The following LHPP variants were observed in gnomAD, a reference collection of about 807,000 sequenced individuals.
The protein encoded by LHPP is phospholysine phosphohistidine inorganic pyrophosphate phosphatase.
A neutral mutation model predicts 30.3 loss-of-function variants in LHPP; 24 were observed. That is an observed-to-expected ratio of 0.79 (90% confidence interval 0.57 to 1.11). The LOEUF is 1.11. Ranked by LOEUF, LHPP falls within the 50% of genes most tolerant of loss-of-function variation. The pLI, the probability that LHPP is intolerant of heterozygous loss-of-function variation, is 0.00. For synonymous variants in LHPP, 150 were observed against 157.1 expected, an observed-to-expected ratio of 0.95 and a Z score of 0.34; for missense variants, 356 against 367.2, an observed-to-expected ratio of 0.97 and a Z score of 0.25.
chr10:124,515,766 A>G (rs1954435529), intron 5 of LHPP, among the ~76,000 whole-genome samples: 1 of 152,238 alleles, frequency 6.6e-6, no homozygotes, highest in African/African-American at 2.4e-5. Context: ...TGCCCTGTGC[A>G]TCGTGAGTGA....
At position 124,613,538 on chromosome 10, in the gene LHPP, C is replaced by T; in HGVS notation, c.*178C>T. ...GTGCCCAGACCAACCAAGGCCCTGACAGCCCTGCCTTCTGCCCTCTGCCCT... is the reference window on the plus strand; with the variant it reads ...GTGCCCAGACCAACCAAGGCCCTGATAGCCCTGCCTTCTGCCCTCTGCCCT... On this transcript the variant is annotated 3_prime_UTR_variant, in exon 7 of 7. Transcript: ENST00000368842. 3.2e-6 allele frequency: 2 copies of T among 628,140 alleles called. No individual in the cohort carries two copies. Among genetic ancestry groups the T allele is most frequent in the East Asian group, 2.8e-5 (1 of 36,296 alleles). 38.9% of individuals were successfully genotyped at this position (628,140 alleles called of 1,614,324 possible). A position where few individuals can be genotyped will look rare whatever the true frequency, so the allele number is the denominator to read the frequency against.
In LHPP at chr10:124,541,771, A is replaced by G. The variant is rs893578417; in HGVS notation, c.716+24500A>G. 1.1e-4 allele frequency among the ~76,000 whole-genome samples: 16 copies of G among 152,020 alleles called. No individual in the cohort carries two copies. The highest frequency in any genetic ancestry group is 6.5e-5 in the Admixed American group (1 of 15,282). On this transcript the variant is annotated intron_variant, in intron 6 of 6. Coordinates refer to ENST00000368842, the MANE Select transcript of LHPP (RefSeq NM_022126.4). This position sits in a 1 kb window ranked among gnomAD's most constrained non-coding sequence, Gnocchi z 4.2. ...GGACACTGGGGAGGGCTCTAATGGT[A>G]TTTGCACAAATTTGCAATGTTGGAG...
intron 1 of LHPP, among the ~76,000 whole-genome samples, chr10:124,475,460 G>A (rs903662440): frequency 6.6e-6 from 1 of 152,010 alleles, no homozygotes; most frequent in Non-Finnish European, 1.5e-5. Flanking sequence ...AGGATCACTT[G>A]AACCTGGGAG....
intron 6 of LHPP, among the ~76,000 whole-genome samples, chr10:124,530,200 C>T (rs555862927): frequency 3.9e-5 from 6 of 152,168 alleles, no homozygotes; most frequent in Non-Finnish European, 8.8e-5. Context: ...TGGCATCCTG[C>T]CTGCCGCCTC....
intron 5 of LHPP, among the ~76,000 whole-genome samples, chr10:124,508,502 G>T (rs1954219473): frequency 6.6e-6 from 1 of 152,090 alleles, no homozygotes; most frequent in Non-Finnish European, 1.5e-5. Flanking sequence ...TTCCGGCCCT[G>T]GCTTTGTCTT....
At chr10:124,613,004 C>A (rs1564854291) in intron 6 of LHPP, 2 of 544,290 alleles carry the variant, frequency 3.7e-6, no homozygotes, top group Non-Finnish European at 6.6e-6. Context: ...GTCACTCCAC[C>A]ACAAGGCTGA....
intron 6 of LHPP, among the ~76,000 whole-genome samples, chr10:124,528,250 G>C (rs73367813): frequency 0.048 from 7,375 of 152,320 alleles, 618 homozygotes; most frequent in African/African-American, 0.16. Context: ...CTGGTGGGAC[G>C]TACACTGACT....
chr10:124,505,747 A>G (rs1954042663), intron 5 of LHPP, among the ~76,000 whole-genome samples: 1 of 152,218 alleles, frequency 6.6e-6, no homozygotes. Context: ...AGGTTTTGGC[A>G]GTTCTCCATC....
chr10:124,547,448 T>C (rs1022019208), intron 6 of LHPP, among the ~76,000 whole-genome samples: 12 of 152,366 alleles, frequency 7.9e-5, no homozygotes, highest in African/African-American at 2.9e-4. Context: ...AGTCTGCAGC[T>C]CGTTCTCCCA....
chr10:124,525,535 G>A (rs1171824434), intron 6 of LHPP, among the ~76,000 whole-genome samples: 1 of 152,210 alleles, frequency 6.6e-6, no homozygotes, highest in East Asian at 1.9e-4. Context: ...GTCAGCATGT[G>A]GCAGTCCCGG....
intron 6 of LHPP, among the ~76,000 whole-genome samples, chr10:124,525,793 C>T (rs992303769): frequency 1.3e-5 from 2 of 152,196 alleles, no homozygotes; most frequent in African/African-American, 4.8e-5. Context: ...GGTACTGACC[C>T]TCATTAGCAT....
rs1178929842 is a variant in LHPP at position 124,590,133 on chromosome 10, T to C, written c.717-23131T>C. 1.3e-5 allele frequency among the ~76,000 whole-genome samples: 2 copies of C among 152,222 alleles called. No individual in the cohort carries two copies. Among genetic ancestry groups the C allele is most frequent in the African/African-American group, 4.8e-5 (2 of 41,456 alleles). On this transcript the variant is annotated intron_variant, in intron 6 of 6. Coordinates refer to ENST00000368842, the MANE Select transcript of LHPP (RefSeq NM_022126.4). The surrounding 1 kb of genome is among the most constrained non-coding windows in gnomAD (Gnocchi z 4.3). ...GAACAGCTCATTCGATTCGTTCATG[T>C]GACGTCCTCCCTCTCCCAATCCCTG...
chr10:124,522,362 G>A (rs1045589079), intron 6 of LHPP, among the ~76,000 whole-genome samples: 2 of 152,190 alleles, frequency 1.3e-5, no homozygotes, highest in Non-Finnish European at 2.9e-5. Flanking sequence ...CAGCCACAGC[G>A]TTCCTGCTGC....
chr10:124,564,576 G>C (rs1004503443), intron 6 of LHPP, among the ~76,000 whole-genome samples: 2 of 152,142 alleles, frequency 1.3e-5, no homozygotes, highest in Non-Finnish European at 1.5e-5. Flanking sequence ...TTAGCGGTCT[G>C]TCTGAACATC....
chr10:124,472,294 C>G (rs1268667598), intron 1 of LHPP, among the ~76,000 whole-genome samples: 3 of 152,144 alleles, frequency 2.0e-5, no homozygotes, highest in Non-Finnish European at 2.9e-5. Context: ...GCCTGGGAGA[C>G]ACAGCAAGAC....
intron 6 of LHPP, among the ~76,000 whole-genome samples, chr10:124,538,746 CAT>C (rs1398519768): frequency 6.6e-6 from 1 of 152,238 alleles, no homozygotes; most frequent in African/African-American, 2.4e-5. Flanking sequence ...TCTCCCATCC[CAT>C]TTTACAGAAA....
intron 6 of LHPP, among the ~76,000 whole-genome samples, chr10:124,536,219 G>A (rs7917918): frequency 0.15 from 22,336 of 152,282 alleles, 2,455 homozygotes; most frequent in African/African-American, 0.31. Context: ...TTGCTCCCGA[G>A]TATTTTGCCC....
chr10:124,519,577 A>G (rs952130251), intron 6 of LHPP, among the ~76,000 whole-genome samples: 14 of 151,992 alleles, frequency 9.2e-5, no homozygotes, highest in African/African-American at 3.4e-4. Flanking sequence ...GTAGTCTTTT[A>G]TTTCTCACCT....
chr10:124,558,844 G>A (rs1056615164), intron 6 of LHPP, among the ~76,000 whole-genome samples: 4 of 152,264 alleles, frequency 2.6e-5, no homozygotes, highest in African/African-American at 9.6e-5. Context: ...GCATTCCCAT[G>A]CGTAGCGAAA....
Sources: gnomAD v4.1 joint callset for allele counts (sites outside exome capture counted in the v4.1 genomes callset) on GRCh38, gnomAD v4.1.1 for gene constraint, Gnocchi (gnomAD v3.1) non-coding constraint, MANE v1.5 for transcripts, NCBI Gene and HGNC (gene_info 2026-07-23, HGNC 2026-07-21) for gene names.